RBFOX1: variants seen among roughly 807,000 people sequenced by gnomAD.
The protein encoded by RBFOX1 is RNA binding fox-1 homolog 1, also known as RNA binding protein fox-1 homolog 1.
RBFOX1 carries 8 observed loss-of-function variants against 57.7 expected under a neutral mutation model. That is an observed-to-expected ratio of 0.14 (90% CI 0.08 to 0.25). The LOEUF (loss-of-function observed/expected upper bound fraction) is 0.25. Among genes scored for constraint, RBFOX1 ranks in the 10% least tolerant of loss-of-function variants. The pLI is 1.00. For missense variants in RBFOX1, 611 were observed against 548.5 expected (o/e 1.11, Z -1.14); for synonymous variants, 326 against 222.4 (o/e 1.47, Z -4.15).
chr16:6,374,400 T>C (rs974334941), intron 2 of RBFOX1, among the ~76,000 whole-genome samples: 2 of 152,236 alleles, frequency 1.3e-5, no homozygotes, highest in Non-Finnish European at 2.9e-5. Context: ...TATCCTTTTC[T>C]ATTTTCTCAT....
At chr16:5,749,620 C>T (rs2053117986) in intron 3 of RBFOX1, among the ~76,000 whole-genome samples, 1 of 152,204 alleles carries the variant, frequency 6.6e-6, no homozygotes, top group Non-Finnish European at 1.5e-5. Flanking sequence ...TTCATTTGAT[C>T]TTCAATCACT....
chr16:6,561,292 A>C (rs2097176065), intron 2 of RBFOX1, among the ~76,000 whole-genome samples: 1 of 152,192 alleles, frequency 6.6e-6, no homozygotes, highest in South Asian at 2.1e-4. Flanking sequence ...CTGCTGGGTA[A>C]ATGTTCCATG....
At chr16:6,802,534 G>A (rs141693216) in intron 3 of RBFOX1, among the ~76,000 whole-genome samples, 4 of 152,158 alleles carry the variant, frequency 2.6e-5, no homozygotes, top group Admixed American at 6.5e-5. Context: ...AAAGTTACTC[G>A]GGCATGGTGG....
intron 3 of RBFOX1, among the ~76,000 whole-genome samples, chr16:5,748,877 G>A (rs906060811): frequency 6.6e-6 from 1 of 152,094 alleles, no homozygotes; most frequent in Non-Finnish European, 1.5e-5. Context: ...GACATTTAAG[G>A]TTAATATTGT....
intron 4 of RBFOX1, among the ~76,000 whole-genome samples, chr16:7,420,055 C>G (rs568375269): frequency 2.0e-4 from 30 of 151,218 alleles, no homozygotes; most frequent in Non-Finnish European, 3.4e-4. Flanking sequence ...TTTTCATAGC[C>G]TTTAAAGTAA....
At chr16:5,621,268 T>C (rs2048193943) in intron 3 of RBFOX1, among the ~76,000 whole-genome samples, 1 of 152,354 alleles carries the variant, frequency 6.6e-6, no homozygotes, top group Admixed American at 6.5e-5. Context: ...TGAGCCACCA[T>C]GCCTGGCTTT....
intron 2 of RBFOX1, chr16:6,483,884 G>C: frequency 1.7e-6 from 2 of 1,165,250 alleles, no homozygotes; most frequent in Non-Finnish European, 1.1e-6. Flanking sequence ...GGAAGGATGA[G>C]GCTGCGTTTG....
chr16:5,947,031 G>T lies in RBFOX1; in HGVS notation c.351+79696G>T, dbSNP rs534173147. Among the ~76,000 whole-genome samples the T allele has an allele frequency of 6.6e-6, 1 of 152,150 alleles. No individual in the cohort carries two copies. Among genetic ancestry groups the T allele is most frequent in the Non-Finnish European group, 1.5e-5 (1 of 68,030 alleles). ...GTTTGAGACCAGCTCTAGCAATATA[G>T]TGACACCCCATCTGTACAAAATAAA... is the stretch of plus-strand genomic sequence containing the variant. On this transcript the variant is annotated intron_variant, in intron 4 of 19. Coordinates refer to the RBFOX1 transcript ENST00000641259. The surrounding 1 kb of genome is among the most constrained non-coding windows in gnomAD (Gnocchi z 7.2).
intron 3 of RBFOX1, among the ~76,000 whole-genome samples, chr16:7,018,203 T>C (rs1257329478): frequency 6.6e-6 from 1 of 152,136 alleles, no homozygotes; most frequent in African/African-American, 2.4e-5. Context: ...TGCAAGTTAG[T>C]AACTACCTGA....
chr16:6,212,720 C>G (rs1303442562), intron 1 of RBFOX1, among the ~76,000 whole-genome samples: 1 of 7,658 alleles, frequency 1.3e-4, no homozygotes, highest in East Asian at 0.029. Flanking sequence ...AACAAACAAA[C>G]AAACAAACAA....
intron 1 of RBFOX1, among the ~76,000 whole-genome samples, chr16:5,461,987 G>A (rs2068801859): frequency 6.6e-6 from 1 of 151,976 alleles, no homozygotes; most frequent in South Asian, 2.1e-4. Context: ...TTGCCTGGTT[G>A]CCCACCAGAA....
rs150987611 is a variant in RBFOX1 at position 5,625,843 on chromosome 16, C to T, written c.318+26882C>T. Among the ~76,000 whole-genome samples the T allele has an allele frequency of 4.5e-3, 681 of 152,038 alleles. 4 individuals are homozygous for T. Among genetic ancestry groups the T allele is most frequent in the African/African-American group, 0.014 (588 of 41,490 alleles). ...AAAGTACTGGGATTACAGGTGTGAG[C>T]CACCGTGTCCAGCCCTGGATTTACT... On this transcript the variant is annotated intron_variant, in intron 3 of 19. Coordinates refer to the RBFOX1 transcript ENST00000641259.
At chr16:6,572,245 C>G (rs868622953) in intron 2 of RBFOX1, among the ~76,000 whole-genome samples, 1 of 152,054 alleles carries the variant, frequency 6.6e-6, no homozygotes, top group Non-Finnish European at 1.5e-5. Context: ...TTTTAAGTGA[C>G]AAATCTGTAT....
rs1042994101 is a variant in RBFOX1, at chr16:5,428,215, C to A, written c.220-39001C>A. Among the ~76,000 whole-genome samples, 6 of 152,050 alleles carry A rather than the reference C, an allele frequency of 3.9e-5. No individual in the cohort carries two copies. In the East Asian group the frequency reaches 9.7e-4, roughly 24 times the overall value. On this transcript the variant is annotated intron_variant, in intron 1 of 2. Transcript: ENST00000585867. ...GAGTCCTTACTGAACTTCCCCATGG[C>A]AGAAATGTACCCCAGGCAAACCTTG...
intron 4 of RBFOX1, among the ~76,000 whole-genome samples, chr16:5,888,526 T>A (rs570531385): frequency 6.6e-6 from 1 of 152,302 alleles, no homozygotes; most frequent in East Asian, 1.9e-4. Flanking sequence ...CCGGGCGCAG[T>A]GGCTCACGCC....
rs370966146 is a variant in RBFOX1, at chr16:6,154,974, T to C, written c.-127+134982T>C. On this transcript the variant is annotated intron_variant, in intron 1 of 15. Coordinates refer to ENST00000550418, the MANE Select transcript of RBFOX1 (RefSeq NM_018723.4). ...ATTCAAAATGGTTTTGTTTTTTGTTTTACTGAATATTCTCAATGCTTCCAT... is the reference window on the plus strand; with the variant it reads ...ATTCAAAATGGTTTTGTTTTTTGTTCTACTGAATATTCTCAATGCTTCCAT... Among the ~76,000 whole-genome samples the C allele has an allele frequency of 6.2e-4, 94 of 152,346 alleles. 3 individuals are homozygous for C. The East Asian group carries it at 0.018, about 28-fold the overall frequency.
intron 3 of RBFOX1, among the ~76,000 whole-genome samples, chr16:6,972,688 C>A (rs1269746151): frequency 6.6e-6 from 1 of 151,966 alleles, no homozygotes; most frequent in African/African-American, 2.4e-5. Context: ...GGAGGGCTGG[C>A]CTTGATAGAG....
chr16:5,974,105 C>T (rs1450720916), intron 4 of RBFOX1, among the ~76,000 whole-genome samples: 2 of 152,132 alleles, frequency 1.3e-5, no homozygotes, highest in Non-Finnish European at 2.9e-5. Flanking sequence ...GTGCTCAGCC[C>T]AGTGAGAATA....
chr16:6,780,076 C>T (rs746910188), intron 3 of RBFOX1, among the ~76,000 whole-genome samples: 1,385 of 4,044 alleles, frequency 0.34, 270 homozygotes, highest in East Asian at 0.62. Context: ...TATATATTTA[C>T]ATATTTATAT....
Sources: gnomAD v4.1 joint callset for allele counts (sites outside exome capture counted in the v4.1 genomes callset) on GRCh38, gnomAD v4.1.1 for gene constraint, Gnocchi (gnomAD v3.1) non-coding constraint, MANE v1.5 for transcripts, NCBI Gene and HGNC (gene_info 2026-07-23, HGNC 2026-07-21) for gene names.